Variants in PEPD observed in about 807,000 individuals in gnomAD.
PEPD encodes xaa-Pro dipeptidase.
A neutral mutation model predicts 60.7 loss-of-function variants in PEPD; 53 were observed. That is an observed-to-expected ratio of 0.87 (90% CI 0.70 to 1.10). The LOEUF is 1.10. Among genes scored for constraint, PEPD ranks in the 50% least tolerant of loss-of-function variants. PEPD has a pLI of 0.00. For missense variants in PEPD, 711 were observed against 711.9 expected, an observed-to-expected ratio of 1.00 and a Z score of 0.01; for synonymous variants, 267 against 284.1, an observed-to-expected ratio of 0.94 and a Z score of 0.60.
intron 6 of PEPD, among the ~76,000 whole-genome samples, chr19:33,482,315 A>G (rs532689510): frequency 2.6e-4 from 39 of 152,354 alleles, no homozygotes; most frequent in African/African-American, 8.2e-4. Context: ...TAACACATCA[A>G]TCATATTAAT....
intron 6 of PEPD, among the ~76,000 whole-genome samples, chr19:33,485,428 G>A (rs1970378513): frequency 6.7e-6 from 1 of 149,882 alleles, no homozygotes; most frequent in Non-Finnish European, 1.5e-5. Context: ...GGGAGGTGGA[G>A]GTTGCAATGA....
At chr19:33,489,720 C>A (rs974496329) in intron 6 of PEPD, among the ~76,000 whole-genome samples, 3 of 152,168 alleles carry the variant, frequency 2.0e-5, no homozygotes, top group Admixed American at 2.0e-4. Context: ...AAACAACCCA[C>A]CTGTGCCTGC....
At chr19:33,518,380 G>T (rs1429637250) in intron 1 of PEPD, among the ~76,000 whole-genome samples, 1 of 152,146 alleles carries the variant, frequency 6.6e-6, no homozygotes, top group African/African-American at 2.4e-5. Context: ...GGAGCACAAG[G>T]TTCACATTGT....
At chr19:33,514,788 A>G (rs1048009682) in intron 1 of PEPD, among the ~76,000 whole-genome samples, 3 of 151,740 alleles carry the variant, frequency 2.0e-5, no homozygotes, top group African/African-American at 7.3e-5. Flanking sequence ...CCTGCCCCAC[A>G]GCACAGCCCC....
intron 9 of PEPD, among the ~76,000 whole-genome samples, chr19:33,423,415 T>C (rs747038643): frequency 1.3e-5 from 2 of 152,236 alleles, no homozygotes; most frequent in Non-Finnish European, 2.9e-5. Context: ...AGGGAGATTA[T>C]TGACCAAATG....
intron 9 of PEPD, among the ~76,000 whole-genome samples, chr19:33,428,765 A>C (rs1245400908): frequency 6.6e-6 from 1 of 152,038 alleles, no homozygotes; most frequent in Non-Finnish European, 1.5e-5. Flanking sequence ...GGCCCATGTC[A>C]CCCATACCCA....
chr19:33,394,375 C>A (rs930482363), intron 12 of PEPD, among the ~76,000 whole-genome samples: 1 of 152,356 alleles, frequency 6.6e-6, no homozygotes, highest in African/African-American at 2.4e-5. Context: ...GGGGGCAGGC[C>A]CGGCGCCGCC....
intron 10 of PEPD, among the ~76,000 whole-genome samples, chr19:33,413,277 G>A (rs1968817514): frequency 6.6e-6 from 1 of 152,214 alleles, no homozygotes; most frequent in Non-Finnish European, 1.5e-5. Context: ...TGGCCTTCCT[G>A]TGCTTAGCTG....
intron 9 of PEPD, among the ~76,000 whole-genome samples, chr19:33,417,159 C>T (rs1442729179): frequency 6.6e-6 from 1 of 152,248 alleles, no homozygotes; most frequent in Non-Finnish European, 1.5e-5. Context: ...CTATGTGCCT[C>T]GAGCATGGGT....
At chr19:33,478,990 G>A (rs1970269109) in intron 6 of PEPD, among the ~76,000 whole-genome samples, 1 of 152,130 alleles carries the variant, frequency 6.6e-6, no homozygotes, top group African/African-American at 2.4e-5. Context: ...ACTGAATAAA[G>A]CGATAATTGT....
chr19:33,413,464 G>A (rs1044946185), intron 10 of PEPD, 111 bp downstream of exon 10: 29 of 705,544 alleles, frequency 4.1e-5, no homozygotes, highest in East Asian at 1.4e-4. Flanking sequence ...TGGTGTGGGC[G>A]TGTGAGTGAG....
At chr19:33,492,326 G>T (rs1970517974) in intron 5 of PEPD, among the ~76,000 whole-genome samples, 1 of 152,144 alleles carries the variant, frequency 6.6e-6, no homozygotes, top group African/African-American at 2.4e-5. Flanking sequence ...CGGTGGTGTG[G>T]TTTTCAGACC....
intron 6 of PEPD, among the ~76,000 whole-genome samples, chr19:33,488,280 T>C (rs922623186): frequency 4.6e-5 from 7 of 152,112 alleles, no homozygotes; most frequent in Admixed American, 2.0e-4. Flanking sequence ...GCACCAGCTC[T>C]GTGCCAGGCT....
At position 33,461,450 on chromosome 19, in the gene PEPD, G is replaced by A. The variant is rs78959358; in HGVS notation, c.671+1545C>T. On this transcript the variant is annotated intron_variant, in intron 9 of 14. Coordinates refer to ENST00000244137, the MANE Select transcript of PEPD (RefSeq NM_000285.4). Reference sequence around the variant, plus strand: ...GTCGGGCTCTGGGACGCTGTGGGGAGGGAGGCTCAGGGCCCCTCCCAGTAG... The same window carrying A: ...GTCGGGCTCTGGGACGCTGTGGGGAAGGAGGCTCAGGGCCCCTCCCAGTAG... Among the ~76,000 whole-genome samples, 921 of 152,310 alleles carry A rather than the reference G, an allele frequency of 6.0e-3. 63 individuals carry two copies. The East Asian group carries it at 0.15, about 26-fold the overall frequency.
intron 1 of PEPD, among the ~76,000 whole-genome samples, chr19:33,513,454 G>A (rs1339817071): frequency 6.6e-6 from 1 of 151,898 alleles, no homozygotes; most frequent in African/African-American, 2.4e-5. Flanking sequence ...AGTCCCAAAG[G>A]CCATCCTGGC....
chr19:33,496,406 A>C (rs1239186950), intron 4 of PEPD, among the ~76,000 whole-genome samples: 4 of 152,102 alleles, frequency 2.6e-5, no homozygotes. Flanking sequence ...GCAGGGCAAC[A>C]TCTTTTATTG....
chr19:33,512,628 G>A lies in PEPD; in HGVS notation c.166C>T (p.Arg56Cys), dbSNP rs1207919311. The change falls in exon 2 of 15, where the codon CGC becomes TGC. Residue 56 changes from arginine (R) to cysteine (C), a missense_variant. Coordinates refer to ENST00000244137, the MANE Select transcript of PEPD (RefSeq NM_000285.4). ...VVLQGGEETQ[R>C]YCTDTGVLFR... ...AGGACCCCGGTGTCGGTGCAGTAGC[G>A]CTGAGTCTCCTCCCCGCCCTGCAGG... The A allele has an allele frequency of 1.7e-5, 28 of 1,613,772 alleles. 1 individual carries two copies. Among genetic ancestry groups the A allele is most frequent in the South Asian group, 5.5e-5 (5 of 91,082 alleles).
chr19:33,472,016 C>T (rs952037186), intron 7 of PEPD, among the ~76,000 whole-genome samples: 1 of 152,152 alleles, frequency 6.6e-6, no homozygotes. Context: ...ACAAAAGTAG[C>T]CGGGCATGGT....
chr19:33,451,211 T>A (rs1969692601), intron 9 of PEPD, among the ~76,000 whole-genome samples: 1 of 152,242 alleles, frequency 6.6e-6, no homozygotes, highest in African/African-American at 2.4e-5. Flanking sequence ...AATTCTTTCC[T>A]GGGTGAAGCC....
Sources: allele counts gnomAD v4.1 joint callset (sites outside exome capture counted in the v4.1 genomes callset), GRCh38; gene constraint gnomAD v4.1.1; transcripts MANE v1.5; gene names NCBI Gene and HGNC (gene_info 2026-07-23, HGNC 2026-07-21).